The following CR1 variants were observed in gnomAD, a reference collection of about 807,000 sequenced individuals.
CR1 encodes the protein complement C3b/C4b receptor 1 (Knops blood group), also known as complement receptor type 1.
Under a neutral mutation model 187.3 loss-of-function variants are expected in CR1, and 116 were observed. The ratio of observed to expected loss-of-function variants is 0.62; its 90% CI spans 0.53 to 0.72. The LOEUF (loss-of-function observed/expected upper bound fraction) is 0.72. CR1 is among the 30% of genes least tolerant of loss of function. The probability of loss-of-function intolerance (pLI) is 0.00; values close to 1 mark genes in which losing one functional copy is unlikely to be tolerated. For missense variants in CR1, 1,731 were observed against 2,110.7 expected, an observed-to-expected ratio of 0.82 and a Z score of 3.52; for synonymous variants, 576 against 747.1, an observed-to-expected ratio of 0.77 and a Z score of 3.73.
rs776564592 is a variant in CR1 at position 207,575,613 on chromosome 1, C to G, written c.4470C>G (p.His1490Gln). 2 of 1,611,836 alleles carry G rather than the reference C, an allele frequency of 1.2e-6. No homozygotes were observed. Among genetic ancestry groups the G allele is most frequent in the African/African-American group, 1.3e-5 (1 of 74,992 alleles). Residue 1490 changes from histidine (H) to glutamine (Q), a missense_variant, in exon 28 of 47, where the codon CAC (histidine) becomes CAG (glutamine). This residue lies in a region of CR1 where 1,312 missense variants were observed against 1,379.6 expected (regional missense o/e 0.95). Transcript: ENST00000367049. The part of the protein sequence containing the change: ...SCTTGHRLIG[H>Q]SSAECILSGN... ...CCTTTAGGCACCGACTCATTGGTCA[C>G]TCATCTGCTGAATGTATCCTCTCAG...
intron 4 of CR1, among the ~76,000 whole-genome samples, chr1:207,521,669 G>T (rs548313968): frequency 3.3e-3 from 146 of 44,658 alleles, no homozygotes; most frequent in Non-Finnish European, 4.8e-3. Context: ...GTCTCACTTT[G>T]TTGCCCAGGT....
chr1:207,598,493 C>T (rs1330738711), intron 35 of CR1, among the ~76,000 whole-genome samples: 3 of 150,706 alleles, frequency 2.0e-5, no homozygotes, highest in African/African-American at 7.3e-5. Context: ...TATCTCGGTT[C>T]ACTGCAACCT....
chr1:207,510,063 C>T (rs139291818), intron 3 of CR1, among the ~76,000 whole-genome samples: 4 of 152,062 alleles, frequency 2.6e-5, no homozygotes, highest in African/African-American at 4.8e-5. Context: ...AAAAATCAGC[C>T]GAGTGTGGTG....
chr1:207,625,741 G>A (rs1400849838), intron 45 of CR1, among the ~76,000 whole-genome samples: 3 of 152,104 alleles, frequency 2.0e-5, no homozygotes, highest in Admixed American at 6.6e-5. Flanking sequence ...TGTTCCTCAT[G>A]TGCTGTGTCC....
At chr1:207,500,944 A>T (rs563971255) in intron 1 of CR1, among the ~76,000 whole-genome samples, 1 of 152,344 alleles carries the variant, frequency 6.6e-6, no homozygotes, top group Middle Eastern at 3.4e-3. Flanking sequence ...ACTAAAGGAA[A>T]CAATTTGTAT....
At chr1:207,575,296 GA>G (rs1347307969) in intron 27 of CR1, among the ~76,000 whole-genome samples, 11 of 151,634 alleles carry the variant, frequency 7.3e-5, no homozygotes, top group Non-Finnish European at 1.6e-4. Flanking sequence ...TAGAATTTAA[GA>G]AAAAAATTGT....
intron 41 of CR1, 136 bp from the exon 42 acceptor site, chr1:207,617,935 G>A (rs1165425099): frequency 2.4e-6 from 2 of 818,838 alleles, no homozygotes; most frequent in East Asian, 2.7e-5. Flanking sequence ...CAAATAGGAG[G>A]GAGTGGCTTA....
intron 46 of CR1, 106 bp downstream of exon 46, chr1:207,630,727 A>G (rs1435272414): frequency 1.6e-6 from 1 of 633,884 alleles, no homozygotes; most frequent in Non-Finnish European, 2.5e-6. Context: ...TTGATACCAA[A>G]GAATTTAGAA....
In CR1 at chr1:207,524,015, T is replaced by A. The variant is rs768759384; in HGVS notation, c.886+6T>A. ...GCTACCAAGCTGCTCCAGGGGTGAG[T>A]CTGACTGAGGCCTAGAAGGGCCCTG... On this transcript the variant is annotated splice_donor_region_variant and intron_variant, in intron 5 of 46. Coordinates refer to ENST00000367049, the MANE Select transcript of CR1 (RefSeq NM_000651.6). 6.2e-7 allele frequency: 1 copy of A among 1,611,612 alleles called. No individual in the cohort carries two copies. The highest frequency in any genetic ancestry group is 2.3e-4 in the Middle Eastern group (1 of 4,430).
intron 32 of CR1, among the ~76,000 whole-genome samples, chr1:207,583,671 A>G (rs749483395): frequency 9.2e-5 from 14 of 152,202 alleles, no homozygotes; most frequent in Non-Finnish European, 1.8e-4. Context: ...GCCTTAAATC[A>G]TTTCAATGTC....
In CR1 at chr1:207,609,477, G is replaced by C; in HGVS notation, c.6084G>C (p.Trp2028Cys). ...CTSKDDQVGV[W>C]SSPPPRCIST... ...GCAAAGATGATCAAGTTGGTGTTTGGAGCAGCCCTCCCCCTCGGTGTATTT... is the reference window on the plus strand; with the variant it reads ...GCAAAGATGATCAAGTTGGTGTTTGCAGCAGCCCTCCCCCTCGGTGTATTT... Residue 2028 changes from tryptophan (W) to cysteine (C), a missense_variant, in exon 37 of 47, where the codon TGG becomes TGC. By Grantham distance (215) the Trp-to-Cys change is radical (BLOSUM62 -2). Around this residue, in one of 5 missense-constraint regions of CR1, gnomAD observed 1,312 missense variants for 1,379.6 expected, o/e 0.95. Coordinates refer to ENST00000367049, the MANE Select transcript of CR1 (RefSeq NM_000651.6). 6.2e-7 allele frequency: 1 copy of C among 1,613,986 alleles called. No individual in the cohort carries two copies.
chr1:207,619,376 C>CAAAAAAA (rs67078800), intron 42 of CR1, among the ~76,000 whole-genome samples: 10 of 92,632 alleles, frequency 1.1e-4, no homozygotes, highest in Non-Finnish European at 1.5e-4. Flanking sequence ...CAGTGAGACT[C>CAAAAAAA]AAAAAAAAAA....
At chr1:207,596,692 A>C (rs997284461) in intron 35 of CR1, among the ~76,000 whole-genome samples, 8 of 150,742 alleles carry the variant, frequency 5.3e-5, no homozygotes, top group Non-Finnish European at 7.4e-5. Flanking sequence ...AGACCAAAAA[A>C]GTTTAAGAAC....
intron 36 of CR1, among the ~76,000 whole-genome samples, chr1:207,608,354 T>C (rs915189894): frequency 9.2e-5 from 14 of 152,322 alleles, no homozygotes; most frequent in African/African-American, 3.4e-4. Flanking sequence ...ATAGAAAATA[T>C]ATCCATCCAT....
intron 4 of CR1, among the ~76,000 whole-genome samples, chr1:207,522,113 T>C (rs902855392): frequency 6.6e-6 from 1 of 152,194 alleles, no homozygotes; most frequent in Non-Finnish European, 1.5e-5. Context: ...TGATTGTGTA[T>C]CAGGAATTCT....
chr1:207,503,250 T>G (rs920928237), intron 1 of CR1, among the ~76,000 whole-genome samples: 3 of 152,162 alleles, frequency 2.0e-5, no homozygotes, highest in African/African-American at 7.2e-5. Context: ...GCCTAAGACC[T>G]CATAGCCACT....
intron 4 of CR1, among the ~76,000 whole-genome samples, chr1:207,516,816 A>T (rs772259178): frequency 6.6e-6 from 1 of 152,128 alleles, no homozygotes; most frequent in African/African-American, 2.4e-5. Flanking sequence ...AATTTGTTAA[A>T]TTTACTTATA....
At chr1:207,582,104 C>A in intron 32 of CR1, 101 bp downstream of exon 32, 3 of 703,080 alleles carry the variant, frequency 4.3e-6, no homozygotes, top group Non-Finnish European at 4.6e-6. Context: ...TGTTTGTGCC[C>A]GCTTTTGATA....
intron 35 of CR1, among the ~76,000 whole-genome samples, chr1:207,593,383 G>A (rs1019333498): frequency 1.3e-5 from 2 of 152,186 alleles, no homozygotes; most frequent in Admixed American, 1.3e-4. Context: ...AATAAATGGT[G>A]TTGGGAAAAC....
Sources: gnomAD v4.1 joint callset for allele counts (sites outside exome capture counted in the v4.1 genomes callset) on GRCh38, gnomAD v4.1.1 for gene constraint, gnomAD v4.1.1 regional missense constraint, MANE v1.5 for transcripts, NCBI Gene and HGNC (gene_info 2026-07-23, HGNC 2026-07-21) for gene names.